Variants in GFPT2 observed in about 807,000 individuals in gnomAD.
GFPT2 encodes the protein glutamine--fructose-6-phosphate transaminase 2, also known as glutamine--fructose-6-phosphate aminotransferase [isomerizing] 2.
A neutral mutation model predicts 85.6 loss-of-function variants in GFPT2; 62 were observed. That is an observed-to-expected ratio of 0.72 (90% CI 0.59 to 0.90). GFPT2 has a LOEUF of 0.90. Among genes scored for constraint, GFPT2 ranks in the 40% least tolerant of loss-of-function variants. GFPT2 has a pLI of 0.00. For missense variants in GFPT2, 788 were observed against 893.4 expected, an observed-to-expected ratio of 0.88 and a Z score of 1.50; for synonymous variants, 368 against 344.5, an observed-to-expected ratio of 1.07 and a Z score of -0.75.
rs549551163 is a variant in GFPT2 at position 180,316,054 on chromosome 5, TG to T, written c.1273+286del. Among the ~76,000 whole-genome samples the T allele has an allele frequency of 4.6e-5, 7 of 152,336 alleles. No individual in the cohort carries two copies. The East Asian group carries it at 1.3e-3, about 29-fold the overall frequency. On this transcript the variant is annotated intron_variant, in intron 13 of 18. Transcript: ENST00000253778. The stretch of plus-strand genomic sequence containing the variant: ...CTTCGGTAAGTGGTCCTTGAAGTCT[TG>T]GATAGGCAAGAAGAGGGAGAAGCCA...
At chr5:180,344,856 A>G (rs188021732) in intron 1 of GFPT2, among the ~76,000 whole-genome samples, 5 of 152,284 alleles carry the variant, frequency 3.3e-5, no homozygotes, top group Admixed American at 3.3e-4. Context: ...AGCAACGGCC[A>G]TAAGAGGGCT....
intron 10 of GFPT2, among the ~76,000 whole-genome samples, chr5:180,317,621 T>C (rs1764038542): frequency 1.4e-5 from 2 of 144,228 alleles, no homozygotes; most frequent in South Asian, 2.2e-4. Context: ...TAGCCGGGCG[T>C]AGTGGCGGGC....
At chr5:180,349,524 A>T (rs930017567) in intron 1 of GFPT2, among the ~76,000 whole-genome samples, 11 of 152,074 alleles carry the variant, frequency 7.2e-5, no homozygotes, top group African/African-American at 7.2e-5. Flanking sequence ...TCCCCTGAGG[A>T]GACAGTGGAG....
At chr5:180,313,011 A>G (rs1401119969) in intron 14 of GFPT2, among the ~76,000 whole-genome samples, 1 of 151,590 alleles carries the variant, frequency 6.6e-6, no homozygotes, top group Non-Finnish European at 1.5e-5. Flanking sequence ...CCCTGACCTC[A>G]GGTGATCCCC....
At chr5:180,335,498 C>T (rs547319404) in intron 4 of GFPT2, among the ~76,000 whole-genome samples, 6 of 152,220 alleles carry the variant, frequency 3.9e-5, no homozygotes, top group Non-Finnish European at 5.9e-5. Flanking sequence ...TGGGGAGGAA[C>T]AGTGCCCAGG....
chr5:180,313,643 G>A (rs2127648857), intron 14 of GFPT2, among the ~76,000 whole-genome samples, 164 bp downstream of exon 14: 1 of 151,572 alleles, frequency 6.6e-6, no homozygotes, highest in African/African-American at 2.4e-5. Context: ...GAAGATACGG[G>A]AATCCAAGAG....
At chr5:180,306,735 C>G (rs576441678) in intron 16 of GFPT2, among the ~76,000 whole-genome samples, 218 of 152,310 alleles carry the variant, frequency 1.4e-3, no homozygotes, top group African/African-American at 5.1e-3. Flanking sequence ...GCGAAGGCCC[C>G]ATGGACTCAG....
chr5:180,314,548 C>A (rs749471078), intron 13 of GFPT2, among the ~76,000 whole-genome samples: 2 of 152,208 alleles, frequency 1.3e-5, no homozygotes, highest in Non-Finnish European at 1.5e-5. Flanking sequence ...AAATTAAATT[C>A]AGCATAAGCC....
intron 3 of GFPT2, 26 bp downstream of exon 3, chr5:180,336,453 C>A (rs755951656): frequency 7.8e-7 from 1 of 1,282,146 alleles, no homozygotes; most frequent in Admixed American, 1.7e-5. Flanking sequence ...GCAGCGGCTC[C>A]TCCCACTCAG....
At chr5:180,311,590 G>A (rs949920441) in intron 15 of GFPT2, among the ~76,000 whole-genome samples, 2 of 152,202 alleles carry the variant, frequency 1.3e-5, no homozygotes, top group Non-Finnish European at 2.9e-5. Flanking sequence ...TACTTACTGA[G>A]CACCTACTGT....
rs1044749618 is a variant in GFPT2, at chr5:180,318,294, T to C, written c.958+499A>G. On this transcript the variant is annotated intron_variant, in intron 10 of 18. Transcript: ENST00000253778. This position sits in a 1 kb window ranked among gnomAD's most constrained non-coding sequence, Gnocchi z 4.2. ...TTATTCTAAGAACAGTAGGAAACCA[T>C]TGGAGGGCCTTGAGCAGCGGGATGA... 3.3e-5 allele frequency among the ~76,000 whole-genome samples: 5 copies of C among 151,924 alleles called. No homozygotes were observed. In the East Asian group the frequency reaches 5.8e-4, roughly 18 times the overall value.
intron 15 of GFPT2, among the ~76,000 whole-genome samples, chr5:180,309,930 C>T (rs1763847820): frequency 1.3e-5 from 2 of 151,678 alleles, no homozygotes; most frequent in Non-Finnish European, 2.9e-5. Context: ...TCTGCCTCAG[C>T]CCCCCGAGTA....
At chr5:180,313,453 TGG>T (rs1763934818) in intron 14 of GFPT2, among the ~76,000 whole-genome samples, 1 of 139,632 alleles carries the variant, frequency 7.2e-6, no homozygotes, top group African/African-American at 2.6e-5. Flanking sequence ...GAGCCGGGTG[TGG>T]GGCGGGTGCC....
At chr5:180,316,586 C>A in intron 12 of GFPT2, 125 bp from the exon 13 acceptor site, 1 of 1,096,640 alleles carries the variant, frequency 9.1e-7, no homozygotes, top group Non-Finnish European at 1.4e-6. Flanking sequence ...GAGGGGACTT[C>A]GGTCACCCAC....
chr5:180,326,097 C>T (rs576918699), intron 7 of GFPT2, among the ~76,000 whole-genome samples: 1 of 152,142 alleles, frequency 6.6e-6, no homozygotes, highest in Non-Finnish European at 1.5e-5. Flanking sequence ...AAATCTAATC[C>T]TTTGCTCATT....
chr5:180,317,588 T>C (rs536843685), intron 10 of GFPT2, among the ~76,000 whole-genome samples: 6 of 145,782 alleles, frequency 4.1e-5, no homozygotes, highest in African/African-American at 1.4e-4. Context: ...TGAAACCCCG[T>C]CTCTACTAAA....
At chr5:180,336,652 G>T in intron 2 of GFPT2, 75 bp from the exon 3 acceptor site, 1 of 964,808 alleles carries the variant, frequency 1.0e-6, no homozygotes. Flanking sequence ...GCTCCGCAGG[G>T]TCAGGGCTGC....
intron 10 of GFPT2, among the ~76,000 whole-genome samples, chr5:180,317,519 G>C (rs948244684): frequency 6.6e-6 from 1 of 151,334 alleles, no homozygotes; most frequent in Admixed American, 6.6e-5. Flanking sequence ...CAGCACTTTG[G>C]GAGGCCGAGG....
chr5:180,331,046 A>AC, intron 5 of GFPT2: 1 of 568,798 alleles, frequency 1.8e-6, no homozygotes, highest in South Asian at 2.4e-5. Context: ...TCAGAAGCTC[A>AC]CCCTTGCCAC....
Sources: allele counts gnomAD v4.1 joint callset (sites outside exome capture counted in the v4.1 genomes callset), GRCh38; gene constraint gnomAD v4.1.1; non-coding constraint Gnocchi (gnomAD v3.1); transcripts MANE v1.5; gene names NCBI Gene and HGNC (gene_info 2026-07-23, HGNC 2026-07-21).